The following UBAC2 variants were observed in gnomAD, a reference collection of about 807,000 sequenced individuals.
UBAC2 encodes the protein UBA domain containing 2.
A neutral mutation model predicts 44.0 loss-of-function variants in UBAC2; 26 were observed. That is an observed-to-expected ratio of 0.59 (90% CI 0.43 to 0.82). The LOEUF is 0.82. UBAC2 is among the 40% of genes least tolerant of loss of function. The pLI, the probability that UBAC2 is intolerant of heterozygous loss-of-function variation, is 0.00. For missense variants in UBAC2, 329 were observed against 419.4 expected (o/e 0.78, Z 1.88); for synonymous variants, 155 against 154.3 (o/e 1.00, Z -0.04).
chr13:99,304,850 C>T (rs557046955), intron 4 of UBAC2, among the ~76,000 whole-genome samples: 13 of 152,228 alleles, frequency 8.5e-5, no homozygotes, highest in Admixed American at 2.6e-4. Flanking sequence ...CTCCTATTTC[C>T]GACGTGATCT....
intron 8 of UBAC2, among the ~76,000 whole-genome samples, chr13:99,382,070 T>C (rs1337671970): frequency 2.0e-5 from 3 of 152,182 alleles, no homozygotes; most frequent in Non-Finnish European, 1.5e-5. Flanking sequence ...ATTAAAAATG[T>C]TGATTAACCC....
Position 99,242,394 on chromosome 13 carries a change from G to A in UBAC2, c.160-1438G>A, listed in dbSNP as rs1174755035. ...GGGCAGAGGGGCTCCTCACTTCCCA[G>A]TAGGGGCGGCCGGGCAGAGGCGCCC... On this transcript the variant is annotated intron_variant, in intron 2 of 8. Transcript: ENST00000403766. Among the ~76,000 whole-genome samples, 23 of 145,142 alleles carry A rather than the reference G, an allele frequency of 1.6e-4. No homozygotes were observed. The East Asian group carries it at 3.8e-3, about 24-fold the overall frequency.
intron 4 of UBAC2, among the ~76,000 whole-genome samples, chr13:99,272,504 A>G (rs1594075553): frequency 6.6e-6 from 1 of 152,316 alleles, no homozygotes. Context: ...TCGTGCTGTC[A>G]TAGAGTGGGT....
chr13:99,345,370 A>G (rs2044958627), intron 7 of UBAC2, among the ~76,000 whole-genome samples: 1 of 152,006 alleles, frequency 6.6e-6, no homozygotes, highest in African/African-American at 2.4e-5. Context: ...GGACGGGGGA[A>G]AGGAGAAACC....
At chr13:99,297,637 A>C (rs893245007) in intron 4 of UBAC2, among the ~76,000 whole-genome samples, 1 of 152,154 alleles carries the variant, frequency 6.6e-6, no homozygotes, top group Non-Finnish European at 1.5e-5. Flanking sequence ...AACCTAAAGC[A>C]AAAGAGAGCA....
intron 7 of UBAC2, among the ~76,000 whole-genome samples, chr13:99,356,402 C>T (rs773479420): frequency 6.6e-6 from 1 of 152,226 alleles, no homozygotes; most frequent in African/African-American, 2.4e-5. Flanking sequence ...AAACTTCTGT[C>T]CCCTAAGCCA....
At chr13:99,232,397 GAGATATAGATAT>G (rs1309420703) in intron 1 of UBAC2, among the ~76,000 whole-genome samples, 1 of 82,256 alleles carries the variant, frequency 1.2e-5, no homozygotes, top group African/African-American at 3.5e-5. Flanking sequence ...CCTTAGTTGA[GAGATATAGATAT>G]ATATATATAT....
intron 4 of UBAC2, among the ~76,000 whole-genome samples, chr13:99,288,228 C>T (rs974395639): frequency 2.0e-5 from 3 of 152,134 alleles, no homozygotes; most frequent in Non-Finnish European, 4.4e-5. Context: ...AATGTTTTAA[C>T]ACTCTGAGAA....
At chr13:99,220,977 TTTTTG>T (rs1188341741) in intron 1 of UBAC2, among the ~76,000 whole-genome samples, 1 of 152,164 alleles carries the variant, frequency 6.6e-6, no homozygotes, top group Admixed American at 6.5e-5. Context: ...TTATATATTA[TTTTTG>T]TATAATAATA....
At chr13:99,315,455 A>G (rs1277250858) in intron 5 of UBAC2, among the ~76,000 whole-genome samples, 1 of 152,050 alleles carries the variant, frequency 6.6e-6, no homozygotes, top group Non-Finnish European at 1.5e-5. Context: ...AGTTCTTCCA[A>G]CTCTAAAGCT....
At chr13:99,349,094 G>C (rs901500308) in intron 7 of UBAC2, among the ~76,000 whole-genome samples, 1 of 152,226 alleles carries the variant, frequency 6.6e-6, no homozygotes, top group African/African-American at 2.4e-5. Context: ...TGAAGGACGA[G>C]GGCAGGCTTT....
At chr13:99,315,299 AGTT>A (rs1400928637) in intron 5 of UBAC2, among the ~76,000 whole-genome samples, 2 of 152,096 alleles carry the variant, frequency 1.3e-5, no homozygotes, top group African/African-American at 4.8e-5. Context: ...ATATTTTTAA[AGTT>A]GTTGTGACAG....
intron 8 of UBAC2, among the ~76,000 whole-genome samples, chr13:99,378,475 C>T (rs556189062): frequency 2.0e-4 from 30 of 152,006 alleles, no homozygotes; most frequent in Admixed American, 4.6e-4. Context: ...TGCAGTGAGC[C>T]GAGATCACAT....
At position 99,385,400 on chromosome 13, in the gene UBAC2, G is replaced by A; in HGVS notation, c.*65G>A. 7.5e-7 allele frequency: 1 copy of A among 1,331,236 alleles called. No homozygotes were observed. The highest frequency in any genetic ancestry group is 1.4e-5 in the African/African-American group (1 of 69,632). 82.5% of individuals were successfully genotyped at this position (1,331,236 alleles called of 1,614,324 possible). On this transcript the variant is annotated 3_prime_UTR_variant, in exon 9 of 9. Coordinates refer to ENST00000403766, the MANE Select transcript of UBAC2 (RefSeq NM_001144072.2). ...TGACAGTGCGTGGTCCCCACCATCA[G>A]ATCAGCCCGGGGACCGAGCATCTCT... is the stretch of plus-strand genomic sequence containing the variant.
At chr13:99,323,126 G>A (rs7339230) in intron 6 of UBAC2, among the ~76,000 whole-genome samples, 87,520 of 151,662 alleles carry the variant, frequency 0.58, 26,945 homozygotes, top group Non-Finnish European at 0.71. Context: ...TCTTCTCTCC[G>A]TGCTTCCTTT....
intron 8 of UBAC2, among the ~76,000 whole-genome samples, chr13:99,375,143 G>C (rs1021653795): frequency 1.3e-5 from 2 of 152,168 alleles, no homozygotes; most frequent in Non-Finnish European, 2.9e-5. Flanking sequence ...ACACAAAGGA[G>C]CTCAGCCAGC....
intron 7 of UBAC2, among the ~76,000 whole-genome samples, chr13:99,348,963 C>CAAAAAG (rs1287239445): frequency 6.6e-6 from 1 of 151,774 alleles, no homozygotes; most frequent in African/African-American, 2.4e-5. Context: ...AATCACGGCT[C>CAAAAAG]AAAAAGAAAA....
intron 4 of UBAC2, among the ~76,000 whole-genome samples, chr13:99,275,054 T>C (rs1025953950): frequency 6.6e-6 from 1 of 152,190 alleles, no homozygotes; most frequent in African/African-American, 2.4e-5. Flanking sequence ...TGCATATATG[T>C]ATGCATTTCT....
At chr13:99,350,983 AGT>A (rs2138856574) in intron 7 of UBAC2, among the ~76,000 whole-genome samples, 1 of 152,292 alleles carries the variant, frequency 6.6e-6, no homozygotes, top group Non-Finnish European at 1.5e-5. Context: ...GTCGTGTGTG[AGT>A]GTAGAAAGGA....
Sources: allele counts gnomAD v4.1 joint callset (sites outside exome capture counted in the v4.1 genomes callset), GRCh38; gene constraint gnomAD v4.1.1; transcripts MANE v1.5; gene names NCBI Gene and HGNC (gene_info 2026-07-23, HGNC 2026-07-21).